FAAH2: variants seen among roughly 807,000 people sequenced by gnomAD.
FAAH2 encodes fatty acid amide hydrolase 2.
A neutral mutation model predicts 36.9 loss-of-function variants in FAAH2; 60 were observed. The ratio of observed to expected loss-of-function variants is 1.63; its 90% confidence interval spans 1.32 to 2.02. The LOEUF (loss-of-function observed/expected upper bound fraction) is 2.02. Ranked by LOEUF, FAAH2 falls within the 30% of genes most tolerant of loss-of-function variation. FAAH2 has a pLI of 0.00. For missense variants in FAAH2, 689 were observed against 397.5 expected (o/e 1.73, Z -6.23); for synonymous variants, 214 against 143.8 (o/e 1.49, Z -3.49).
chrX:57,195,183 C>A, the FAAH2 span, among the ~76,000 whole-genome samples: 1 of 112,069 alleles, frequency 8.9e-6, no homozygotes, highest in Admixed American at 9.5e-5. Context: ...TATGGAATTT[C>A]CATACTGTTT....
At chrX:57,212,140 A>G in the FAAH2 span, among the ~76,000 whole-genome samples, 1 of 111,656 alleles carries the variant, frequency 9.0e-6, no homozygotes, top group African/African-American at 3.3e-5. Flanking sequence ...CTGATGTGGC[A>G]GAAGGATTGC....
intron 3 of FAAH2, among the ~76,000 whole-genome samples, chrX:57,313,379 G>A (rs904463606): frequency 9.2e-6 from 1 of 108,257 alleles, no homozygotes; most frequent in African/African-American, 3.4e-5. Flanking sequence ...AATCAAAGTG[G>A]TACAGATAAT....
intron 3 of FAAH2, among the ~76,000 whole-genome samples, chrX:57,321,670 C>T (rs1267828992): frequency 9.0e-6 from 1 of 110,535 alleles, no homozygotes; most frequent in African/African-American, 3.3e-5. Context: ...GTGTTGAAGA[C>T]AACATAACAA....
chrX:57,349,438 T>G (rs1292481390), intron 5 of FAAH2, among the ~76,000 whole-genome samples: 5 of 99,472 alleles, frequency 5.0e-5, no homozygotes, highest in African/African-American at 1.8e-4. Context: ...TATATACATA[T>G]ATACACATAG....
the FAAH2 span, among the ~76,000 whole-genome samples, chrX:57,218,008 T>C: frequency 2.7e-5 from 3 of 111,781 alleles, no homozygotes; most frequent in Non-Finnish European, 5.6e-5. Flanking sequence ...TGGTCACTGT[T>C]GGTGTACAGA....
intron 8 of FAAH2, among the ~76,000 whole-genome samples, chrX:57,438,892 G>C (rs1456745611): frequency 3.7e-5 from 4 of 108,794 alleles, no homozygotes; most frequent in Non-Finnish European, 7.6e-5. Context: ...GAGAATGATG[G>C]TTTCCAGTTT....
At chrX:57,239,874 T>C in the FAAH2 span, among the ~76,000 whole-genome samples, 2 of 112,300 alleles carry the variant, frequency 1.8e-5, no homozygotes, top group Non-Finnish European at 3.8e-5. Flanking sequence ...GTATTTCAGC[T>C]CTTATGATCA....
intron 7 of FAAH2, among the ~76,000 whole-genome samples, chrX:57,429,653 C>T (rs1219775788): frequency 1.8e-5 from 2 of 111,392 alleles, no homozygotes; most frequent in Non-Finnish European, 3.8e-5. Context: ...ATAGAACTAC[C>T]ATTCTATGCA....
At chrX:57,263,625 C>T in the FAAH2 span, among the ~76,000 whole-genome samples, 166 of 110,972 alleles carry the variant, frequency 1.5e-3, 2 homozygotes, top group South Asian at 6.4e-3. Context: ...TAAGTGAAGG[C>T]AAAGAAAATA....
intron 10 of FAAH2, among the ~76,000 whole-genome samples, chrX:57,466,580 A>C (rs958424772): frequency 2.7e-5 from 3 of 110,807 alleles, no homozygotes; most frequent in Non-Finnish European, 5.7e-5. Context: ...CACTCCAATC[A>C]AACGGCAAAC....
At chrX:57,214,760 G>A in the FAAH2 span, among the ~76,000 whole-genome samples, 1 of 111,357 alleles carries the variant, frequency 9.0e-6, no homozygotes, top group Admixed American at 9.6e-5. Flanking sequence ...TATACAGAAA[G>A]TTTCGAAACA....
intron 7 of FAAH2, among the ~76,000 whole-genome samples, chrX:57,389,288 A>G (rs868226164): frequency 1.6e-5 from 1 of 60,787 alleles, no homozygotes; most frequent in Non-Finnish European, 4.0e-5. Flanking sequence ...CTACACACAC[A>G]CACACATATA....
the FAAH2 span, among the ~76,000 whole-genome samples, chrX:57,259,703 T>C: frequency 1.8e-5 from 2 of 111,995 alleles, no homozygotes; most frequent in Non-Finnish European, 3.8e-5. Flanking sequence ...CCCATATAGG[T>C]AACTATGTGA....
chrX:57,287,373 C>G (rs997206176), intron 1 of FAAH2, among the ~76,000 whole-genome samples: 2 of 111,104 alleles, frequency 1.8e-5, no homozygotes, highest in Non-Finnish European at 3.8e-5. Flanking sequence ...TTCTCTCTCT[C>G]TATTCTTCCG....
intron 6 of FAAH2, among the ~76,000 whole-genome samples, chrX:57,379,614 C>T (rs977141279): frequency 2.7e-5 from 3 of 109,427 alleles, no homozygotes; most frequent in Non-Finnish European, 3.8e-5. Flanking sequence ...AAGTGTCTCT[C>T]ATCTTAAAAA....
chrX:57,289,405 C>A (rs1418228249), intron 1 of FAAH2, among the ~76,000 whole-genome samples: 2 of 110,977 alleles, frequency 1.8e-5, no homozygotes, highest in African/African-American at 6.6e-5. Context: ...AGTTGGTATC[C>A]AAGGTTGGGC....
At chrX:57,163,707 G>C in the FAAH2 span, among the ~76,000 whole-genome samples, 1 of 112,195 alleles carries the variant, frequency 8.9e-6, no homozygotes, top group Non-Finnish European at 1.9e-5. Flanking sequence ...GCAATGCCTC[G>C]CCCTGCTTCG....
At chrX:57,466,450 A>G (rs1202719275) in intron 10 of FAAH2, among the ~76,000 whole-genome samples, 1 of 83,771 alleles carries the variant, frequency 1.2e-5, no homozygotes, top group African/African-American at 4.1e-5. Flanking sequence ...GTATATATAT[A>G]TATATAACAA....
intron 10 of FAAH2, among the ~76,000 whole-genome samples, chrX:57,453,874 TG>T (rs1197566002): frequency 8.9e-6 from 1 of 112,261 alleles, no homozygotes; most frequent in Non-Finnish European, 1.9e-5. Flanking sequence ...GTTCATGGGC[TG>T]GCAGAGGATT....
Sources: allele counts gnomAD v4.1 joint callset (sites outside exome capture counted in the v4.1 genomes callset), GRCh38; gene constraint gnomAD v4.1.1; transcripts MANE v1.5; gene names NCBI Gene and HGNC (gene_info 2026-07-23, HGNC 2026-07-21).